KMT5B: variants seen among roughly 807,000 people sequenced by gnomAD.
The protein encoded by KMT5B is histone-lysine N-methyltransferase KMT5B.
In KMT5B, 10 loss-of-function variants were observed where a neutral mutation model predicts 83.2. The ratio of observed to expected loss-of-function variants is 0.12; its 90% CI spans 0.07 to 0.20. The LOEUF is 0.20. Ranked by LOEUF, KMT5B falls within the 10% of genes least tolerant of loss-of-function variation. The pLI is 1.00. For missense variants in KMT5B, 753 were observed against 1,067.2 expected, an observed-to-expected ratio of 0.71 and a Z score of 4.10; for synonymous variants, 349 against 388.8, an observed-to-expected ratio of 0.90 and a Z score of 1.20.
chr11:68,185,717 G>A, intron 3 of KMT5B, 64 bp downstream of exon 3: 1 of 1,439,570 alleles, frequency 6.9e-7, no homozygotes, highest in Non-Finnish European at 9.3e-7. Context: ...AGTAAAATTA[G>A]CCATCTATGT....
At chr11:68,199,267 ATAAAT>A (rs1405017716) in intron 1 of KMT5B, among the ~76,000 whole-genome samples, 17 of 152,194 alleles carry the variant, frequency 1.1e-4, no homozygotes, top group Non-Finnish European at 2.2e-4. Flanking sequence ...CTAGGAAATA[ATAAAT>A]TAACGAATGA....
At position 68,185,912 on chromosome 11, in the gene KMT5B, T is replaced by C; in HGVS notation, c.177A>G (p.Gly59=). 6.3e-7 allele frequency: 1 copy of C among 1,597,988 alleles called. No individual in the cohort carries two copies. The highest frequency in any genetic ancestry group is 8.5e-7 in the Non-Finnish European group (1 of 1,172,406). ...RRSNRCNGNS[G]FEGQSRYVPS... The stretch of plus-strand genomic sequence containing the variant: ...GTACATAGCGACTCTGTCCTTCAAA[T>C]CCCGAGTTACCATTACCTGTGAAAA... The change falls in exon 3 of 11, where the codon GGA becomes GGG. Residue 59 remains glycine, a synonymous_variant. Coordinates refer to ENST00000304363, the MANE Select transcript of KMT5B (RefSeq NM_017635.5).
At chr11:68,205,672 G>A (rs1860010329) in intron 1 of KMT5B, among the ~76,000 whole-genome samples, 2 of 149,464 alleles carry the variant, frequency 1.3e-5, no homozygotes, top group Non-Finnish European at 3.0e-5. Flanking sequence ...CCAGGCTGGA[G>A]TGCAGTGGCA....
In KMT5B at chr11:68,171,332, C is replaced by A. The variant is rs1023217430; in HGVS notation, c.821-81G>T. ...AACAATTATAGAAATCTGAAATAAG[C>A]TTTCCATATAACTTTACAACTTTTG... On this transcript the variant is annotated intron_variant, in intron 7 of 10. Coordinates refer to ENST00000304363, the MANE Select transcript of KMT5B (RefSeq NM_017635.5). The surrounding 1 kb of genome is among the most constrained non-coding windows in gnomAD (Gnocchi z 5.1). 1.3e-6 allele frequency: 2 copies of A among 1,527,734 alleles called. No homozygotes were observed. The highest frequency in any genetic ancestry group is 2.3e-5 in the East Asian group (1 of 44,398). 94.6% of individuals were successfully genotyped at this position (1,527,734 alleles called of 1,614,324 possible).
rs577813424 is a variant in KMT5B at position 68,186,004 on chromosome 11, T to C, written c.161-76A>G. On this transcript the variant is annotated intron_variant, in intron 2 of 10. Transcript: ENST00000304363. ...TCTGCCTTAAAATCTTTAGCGGCATTGCCCATTCAAGCTGGTAATAAAGAA... is the reference window on the plus strand; with the variant it reads ...TCTGCCTTAAAATCTTTAGCGGCATCGCCCATTCAAGCTGGTAATAAAGAA... 52 of 1,317,860 alleles carry C rather than the reference T, an allele frequency of 3.9e-5. No individual in the cohort carries two copies. The African/African-American group carries it at 7.1e-4, about 18-fold the overall frequency. 81.6% of individuals were successfully genotyped at this position (1,317,860 alleles called of 1,614,324 possible). A position where few individuals can be genotyped will look rare whatever the true frequency, so the allele number is the denominator to read the frequency against.
chr11:68,189,265 T>C (rs890012817), intron 2 of KMT5B, among the ~76,000 whole-genome samples: 3 of 152,240 alleles, frequency 2.0e-5, no homozygotes, highest in African/African-American at 4.8e-5. Flanking sequence ...TTGTCCTCAG[T>C]CATTTTACTA....
At chr11:68,212,961 CCGG>C (rs1403201267) in intron 1 of KMT5B, among the ~76,000 whole-genome samples, 174 bp downstream of exon 1, 1 of 143,628 alleles carries the variant, frequency 7.0e-6, no homozygotes, top group Non-Finnish European at 1.5e-5. Flanking sequence ...CCGCACCGGC[CCGG>C]CCGCAGCCCC....
At position 68,202,028 on chromosome 11, in the gene KMT5B, C is replaced by T. The variant is rs189905670; in HGVS notation, c.-77+11110G>A. 4.1e-3 allele frequency among the ~76,000 whole-genome samples: 620 copies of T among 152,132 alleles called. 3 individuals are homozygous for T. Among genetic ancestry groups the T allele is most frequent in the African/African-American group, 0.015 (602 of 41,498 alleles). ...GGCTTGAGTCCAGGAGATTGCACCA[C>T]TGCACTCTAGCCTAGGTGATAGAGC... On this transcript the variant is annotated intron_variant, in intron 1 of 10. Transcript: ENST00000304363.
chr11:68,212,966 C>T (rs1365120696), intron 1 of KMT5B, among the ~76,000 whole-genome samples, 172 bp downstream of exon 1: 10 of 142,736 alleles, frequency 7.0e-5, no homozygotes, highest in Non-Finnish European at 1.1e-4. Flanking sequence ...CCGGCCCGGC[C>T]GCAGCCCCGC....
intron 3 of KMT5B, among the ~76,000 whole-genome samples, chr11:68,182,092 G>A (rs981459802): frequency 1.3e-5 from 2 of 152,140 alleles, no homozygotes; most frequent in African/African-American, 4.8e-5. Context: ...AATTCTATGG[G>A]GAAAAATCTT....
chr11:68,191,173 T>TGTG (rs1858004569), intron 1 of KMT5B, among the ~76,000 whole-genome samples: 5 of 139,282 alleles, frequency 3.6e-5, no homozygotes, highest in East Asian at 4.3e-4. Context: ...TTTTAAAACT[T>TGTG]TGTGTGTGTG....
At chr11:68,191,157 A>T (rs1857999327) in intron 1 of KMT5B, among the ~76,000 whole-genome samples, 1 of 134,700 alleles carries the variant, frequency 7.4e-6, no homozygotes, top group Non-Finnish European at 1.6e-5. Flanking sequence ...CACCACATCC[A>T]GTTAATTTTA....
In KMT5B at chr11:68,157,187, G is replaced by A. The variant is rs536274117; in HGVS notation, c.*501C>T. On this transcript the variant is annotated 3_prime_UTR_variant, in exon 11 of 11. Coordinates refer to ENST00000304363, the MANE Select transcript of KMT5B (RefSeq NM_017635.5). ...AACAGTACACCTGGGCCAGCAAACA[G>A]TGTGAAACTGACAAAACTCCAAGGG... 1 of 152,256 alleles carries A rather than the reference G, an allele frequency of 6.6e-6. No homozygotes were observed. Among genetic ancestry groups the A allele is most frequent in the African/African-American group, 2.4e-5 (1 of 41,404 alleles). The allele number at this position is 152,256 out of a possible 1,614,324, so 9.4% of individuals were successfully genotyped here.
Position 68,157,894 on chromosome 11 carries a change from A to G in KMT5B, c.2452T>C (p.Tyr818His). Reference sequence around the variant, plus strand: ...GTACTTTCTTCCTCATACTGACTATAGTCATCCACCTCCATTCGAGACTCC... The same window carrying G: ...GTACTTTCTTCCTCATACTGACTATGGTCATCCACCTCCATTCGAGACTCC... Reference protein sequence around the residue: ...LLESRMEVDDYSQYEEESTDD... With the variant: ...LLESRMEVDDHSQYEEESTDD... Residue 818 changes from tyrosine to histidine, a missense_variant, in exon 11 of 11, where the codon TAT (tyrosine) becomes CAT (histidine). Tyr to His is a moderately conservative substitution (Grantham distance 83). Coordinates refer to ENST00000304363, the MANE Select transcript of KMT5B (RefSeq NM_017635.5). 6.2e-7 allele frequency: 1 copy of G among 1,614,064 alleles called. No individual in the cohort carries two copies. The highest frequency in any genetic ancestry group is 8.5e-7 in the Non-Finnish European group (1 of 1,179,918).
At chr11:68,206,135 G>A (rs1009890619) in intron 1 of KMT5B, among the ~76,000 whole-genome samples, 2 of 152,148 alleles carry the variant, frequency 1.3e-5, no homozygotes, top group Non-Finnish European at 2.9e-5. Flanking sequence ...GGGTTGTTGA[G>A]GGAAAGTCCT....
chr11:68,163,317 C>A (rs908216917), intron 10 of KMT5B, among the ~76,000 whole-genome samples: 2 of 152,196 alleles, frequency 1.3e-5, no homozygotes, highest in Non-Finnish European at 2.9e-5. Context: ...CAAGCTTACA[C>A]GAACTAGCAT....
chr11:68,192,441 G>A (rs1292921306), intron 1 of KMT5B, among the ~76,000 whole-genome samples: 1 of 152,126 alleles, frequency 6.6e-6, no homozygotes, highest in African/African-American at 2.4e-5. Context: ...CTTGTGTTTA[G>A]AACAGTACTG....
At chr11:68,212,858 C>T (rs1450789285) in intron 1 of KMT5B, 1 of 150,986 alleles carries the variant, frequency 6.6e-6, no homozygotes, top group Non-Finnish European at 1.5e-5. Context: ...GGGCTGCTCC[C>T]CTCGTGCGGC....
intron 1 of KMT5B, among the ~76,000 whole-genome samples, chr11:68,192,618 C>G (rs761309935): frequency 1.4e-4 from 21 of 152,282 alleles, no homozygotes; most frequent in Middle Eastern, 6.8e-3. Context: ...TTATTTATCT[C>G]TTTGTTCCAA....
Sources: gnomAD v4.1 joint callset for allele counts (sites outside exome capture counted in the v4.1 genomes callset) on GRCh38, gnomAD v4.1.1 for gene constraint, Gnocchi (gnomAD v3.1) non-coding constraint, MANE v1.5 for transcripts, NCBI Gene and HGNC (gene_info 2026-07-23, HGNC 2026-07-21) for gene names.